LOC128092252: variants seen among roughly 807,000 people sequenced by gnomAD.
At chr15:50,651,140 T>C in the LOC128092252 span, among the ~76,000 whole-genome samples, 2 of 152,142 alleles carry the variant, frequency 1.3e-5, no homozygotes, top group Admixed American at 6.6e-5. Flanking sequence ...TCAACTGATA[T>C]GGTGCCACTG....
At chr15:50,686,572 A>G in the LOC128092252 span, 2 of 1,602,706 alleles carry the variant, frequency 1.2e-6, no homozygotes, top group South Asian at 1.1e-5. Context: ...CAGCAACTCC[A>G]CCTCCTCCTC....
At chr15:50,681,011 G>A in the LOC128092252 span, among the ~76,000 whole-genome samples, 678 of 152,220 alleles carry the variant, frequency 4.5e-3, 6 homozygotes, top group African/African-American at 0.016. Flanking sequence ...CCAGCACTTT[G>A]GGAGGCCAAG....
At chr15:50,668,819 T>C in the LOC128092252 span, among the ~76,000 whole-genome samples, 8 of 142,916 alleles carry the variant, frequency 5.6e-5, no homozygotes, top group Middle Eastern at 4.2e-3. Context: ...ACAATAGATA[T>C]TTGTATAAGT....
the LOC128092252 span, among the ~76,000 whole-genome samples, chr15:50,659,960 C>G: frequency 6.6e-6 from 1 of 152,044 alleles, no homozygotes; most frequent in Non-Finnish European, 1.5e-5. Context: ...CCACCACACC[C>G]GACCAACAAA....
At chr15:50,682,647 C>A in the LOC128092252 span, among the ~76,000 whole-genome samples, 1 of 151,794 alleles carries the variant, frequency 6.6e-6, no homozygotes, top group Admixed American at 6.6e-5. Context: ...TCAACAAAAT[C>A]TCTAAAAGAA....
At chr15:50,664,862 G>T in the LOC128092252 span, among the ~76,000 whole-genome samples, 2 of 152,108 alleles carry the variant, frequency 1.3e-5, no homozygotes, top group Admixed American at 6.6e-5. Flanking sequence ...CTACTCAGGG[G>T]GCTGAGGTGA....
chr15:50,672,734 A>T, the LOC128092252 span, among the ~76,000 whole-genome samples: 1 of 151,574 alleles, frequency 6.6e-6, no homozygotes, highest in Admixed American at 6.6e-5. Context: ...ATGTGGTGAA[A>T]CCCCATCACT....
At chr15:50,681,193 G>A in the LOC128092252 span, among the ~76,000 whole-genome samples, 1 of 151,984 alleles carries the variant, frequency 6.6e-6, no homozygotes, top group East Asian at 1.9e-4. Flanking sequence ...AGAGGTTGCA[G>A]TGAGCCAAGA....
At chr15:50,676,291 T>C in the LOC128092252 span, among the ~76,000 whole-genome samples, 3 of 152,168 alleles carry the variant, frequency 2.0e-5, no homozygotes, top group Non-Finnish European at 4.4e-5. Flanking sequence ...TAAGGTAACA[T>C]GTGGAAATCA....
At chr15:50,665,925 A>G in the LOC128092252 span, among the ~76,000 whole-genome samples, 1 of 152,172 alleles carries the variant, frequency 6.6e-6, no homozygotes, top group East Asian at 1.9e-4. Context: ...CGTGGAAGGC[A>G]GAGCTTGCAG....
chr15:50,663,005 T>C, the LOC128092252 span: 1 of 1,613,856 alleles, frequency 6.2e-7, no homozygotes, highest in South Asian at 1.1e-5. Context: ...TATATACACA[T>C]TCCCTCTTGG....
the LOC128092252 span, among the ~76,000 whole-genome samples, chr15:50,656,009 CA>C: frequency 0.51 from 70,818 of 139,188 alleles, 17,992 homozygotes; most frequent in Admixed American, 0.61. Context: ...AAGAAAAAAA[CA>C]AAAAAAAAAA....
the LOC128092252 span, among the ~76,000 whole-genome samples, chr15:50,650,303 C>T: frequency 1.3e-5 from 2 of 149,900 alleles, no homozygotes; most frequent in Non-Finnish European, 3.0e-5. Flanking sequence ...GGGCAGGGAA[C>T]ACTTTATGTT....
the LOC128092252 span, among the ~76,000 whole-genome samples, chr15:50,651,087 T>C: frequency 6.6e-6 from 1 of 151,780 alleles, no homozygotes; most frequent in Non-Finnish European, 1.5e-5. Context: ...CTTGGGAAGC[T>C]GAGATGGGAG....
the LOC128092252 span, among the ~76,000 whole-genome samples, chr15:50,678,222 A>G: frequency 6.9e-6 from 1 of 145,388 alleles, no homozygotes; most frequent in African/African-American, 2.5e-5. Flanking sequence ...CCTGGGCAAC[A>G]GAGTGAGACT....
At chr15:50,657,724 A>G in the LOC128092252 span, 10 of 1,448,220 alleles carry the variant, frequency 6.9e-6, no homozygotes, top group Non-Finnish European at 9.6e-6. Flanking sequence ...CATATTTCTA[A>G]TAGATTAGTT....
chr15:50,658,323 T>C, the LOC128092252 span, among the ~76,000 whole-genome samples: 1 of 152,016 alleles, frequency 6.6e-6, no homozygotes, highest in East Asian at 1.9e-4. Flanking sequence ...ACACCTATAA[T>C]TGCAACACTC....
chr15:50,681,121 C>T, the LOC128092252 span, among the ~76,000 whole-genome samples: 1 of 152,016 alleles, frequency 6.6e-6, no homozygotes, highest in Non-Finnish European at 1.5e-5. Flanking sequence ...CATGGTAGCA[C>T]ATGCCTGTAA....
the LOC128092252 span, among the ~76,000 whole-genome samples, chr15:50,678,567 T>G: frequency 6.7e-6 from 1 of 150,186 alleles, no homozygotes; most frequent in African/African-American, 2.4e-5. Flanking sequence ...TATACATAAT[T>G]TTATTATGTC....
Sources: allele counts gnomAD v4.1 joint callset (sites outside exome capture counted in the v4.1 genomes callset), GRCh38; gene constraint gnomAD v4.1.1; transcripts MANE v1.5.